KLF11: variants seen among roughly 807,000 people sequenced by gnomAD.
KLF11 encodes the protein KLF transcription factor 11, also known as Krueppel-like factor 11.
KLF11 carries 26 observed loss-of-function variants against 29.9 expected under a neutral mutation model. The observed-to-expected ratio is 0.87, with a 90% CI of 0.64 to 1.21. KLF11 has a LOEUF of 1.21. Among genes scored for constraint, KLF11 ranks in the 50% most tolerant of loss-of-function variants. The pLI is 0.00. For synonymous variants in KLF11, 318 were observed against 257.4 expected (o/e 1.24, Z -2.25); for missense variants, 778 against 665.7 (o/e 1.17, Z -1.86).
intron 2 of KLF11, 137 bp downstream of exon 2, chr2:10,046,556 G>A: frequency 1.0e-6 from 1 of 983,414 alleles, no homozygotes; most frequent in Non-Finnish European, 1.6e-6. Flanking sequence ...GGGTCTGAAG[G>A]AGTAGAAACT....
In KLF11 at chr2:10,047,760, C is replaced by T. The variant is rs1661258213; in HGVS notation, c.423C>T (p.Ser141=). The T allele has an allele frequency of 2.5e-6, 4 of 1,613,632 alleles. No homozygotes were observed. The highest frequency in any genetic ancestry group is 2.2e-5 in the East Asian group (1 of 44,900). Reference sequence around the variant, plus strand: ...GTACAGCCACGGATGTTCTCCAGTCCTCTGCCGTAGTGGCCAGAGCTCTGA... The same window carrying T: ...GTACAGCCACGGATGTTCTCCAGTCTTCTGCCGTAGTGGCCAGAGCTCTGA... ...KACTATDVLQ[S]SAVVARALSG... is the part of the protein sequence containing the mutation. Residue 141 remains serine, a synonymous_variant, in exon 3 of 4, where the codon TCC becomes TCT. Transcript: ENST00000305883.
intron 2 of KLF11, among the ~76,000 whole-genome samples, chr2:10,047,154 A>G (rs1414174887): frequency 1.3e-5 from 2 of 152,036 alleles, no homozygotes; most frequent in African/African-American, 4.8e-5. Flanking sequence ...CCTTAATGTG[A>G]GTTCTGTGAG....
In KLF11 at chr2:10,045,129, G is replaced by A. The variant is rs1023890729; in HGVS notation, c.43-1021G>A. 3.3e-5 allele frequency among the ~76,000 whole-genome samples: 5 copies of A among 151,472 alleles called. No individual in the cohort carries two copies. In the East Asian group the frequency reaches 9.7e-4, roughly 29 times the overall value. On this transcript the variant is annotated intron_variant, in intron 1 of 3. Coordinates refer to ENST00000305883, the MANE Select transcript of KLF11 (RefSeq NM_003597.5). ...CCACTGCACTCCAGCCTGGGCAACA[G>A]AGCAAGACTCTGTCTCAAAAAAACA...
intron 1 of KLF11, chr2:10,044,327 G>A (rs895116265): frequency 6.1e-6 from 6 of 984,908 alleles, no homozygotes; most frequent in Non-Finnish European, 7.2e-6. Context: ...CGCGGCACGC[G>A]AGCGTTGGGG....
chr2:10,043,744 G>A lies in KLF11; in HGVS notation c.28G>A (p.Asp10Asn). The A allele has an allele frequency of 7.2e-7, 1 of 1,379,698 alleles. No individual in the cohort carries two copies. The highest frequency in any genetic ancestry group is 9.5e-7 in the Non-Finnish European group (1 of 1,051,178). 85.5% of individuals were successfully genotyped at this position (1,379,698 alleles called of 1,614,324 possible). A position where few individuals can be genotyped will look rare whatever the true frequency, so the allele number is the denominator to read the frequency against. Residue 10 changes from aspartate (D) to asparagine (N), a missense_variant, in exon 1 of 4, where the codon GAC (aspartate) becomes AAC (asparagine). By Grantham distance (23) the Asp-to-Asn change is conservative. Coordinates refer to ENST00000305883, the MANE Select transcript of KLF11 (RefSeq NM_003597.5). Reference protein sequence around the residue: MHTPDFAGPDDARAVDIMDI... With the variant: MHTPDFAGPNDARAVDIMDI... ...GCACACGCCGGACTTCGCAGGCCCA[G>A]ACGACGCGCGCGCAGTGAGTGGTGG...
chr2:10,050,407 CAAAAAA>C (rs34801840), intron 3 of KLF11, among the ~76,000 whole-genome samples: 3 of 115,900 alleles, frequency 2.6e-5, no homozygotes, highest in African/African-American at 9.9e-5. Flanking sequence ...ACTCTTATCT[CAAAAAA>C]AAAAAAAAAA....
chr2:10,047,969 T>C lies in KLF11; in HGVS notation c.632T>C (p.Phe211Ser), dbSNP rs910618934. The C allele has an allele frequency of 2.1e-5, 34 of 1,613,892 alleles. No homozygotes were observed. Among genetic ancestry groups the C allele is most frequent in the Non-Finnish European group, 2.9e-5 (34 of 1,180,030 alleles). Residue 211 changes from phenylalanine to serine, a missense_variant, in exon 3 of 4, where the codon TTT (phenylalanine) becomes TCT (serine). By Grantham distance (155) the Phe-to-Ser change is radical. Coordinates refer to ENST00000305883, the MANE Select transcript of KLF11 (RefSeq NM_003597.5). ...GGAGAAGAGCAGCTTCTGGGACACT[T>C]TGAAACTTTGCAGGACACACACCTC... Reference protein sequence around the residue: ...REGEEQLLGHFETLQDTHLTD... With the variant: ...REGEEQLLGHSETLQDTHLTD...
chr2:10,046,540 C>T, intron 2 of KLF11, 121 bp downstream of exon 2: 3 of 1,077,992 alleles, frequency 2.8e-6, no homozygotes, highest in Non-Finnish European at 4.2e-6. Flanking sequence ...CGTATCCTCT[C>T]TGTGTGGGTC....
rs34206941 is a variant in KLF11, at chr2:10,052,724, G to GTTTT, written c.*224_*227dup. 3.2e-4 allele frequency: 140 copies of GTTTT among 433,066 alleles called. No individual in the cohort carries two copies. The highest frequency in any genetic ancestry group is 4.9e-4 in the East Asian group (13 of 26,732). 26.8% of individuals were successfully genotyped at this position (433,066 alleles called of 1,614,324 possible). On this transcript the variant is annotated 3_prime_UTR_variant, in exon 4 of 4. Transcript: ENST00000305883. ...TAGTTTCAGAAGTTTTTTTGTTTTG[G>GTTTT]TTTTTTTTTTAAAGAAATGGTAGAA...
At position 10,046,181 on chromosome 2, in the gene KLF11, T is replaced by G; in HGVS notation, c.74T>G (p.Leu25Arg). The G allele has an allele frequency of 6.2e-7, 1 of 1,614,144 alleles. No homozygotes were observed. The highest frequency in any genetic ancestry group is 1.1e-5 in the South Asian group (1 of 91,080). The change falls in exon 2 of 4, where the codon CTG becomes CGG. Residue 25 changes from leucine (L) to arginine (R), a missense_variant. Leu to Arg is a moderately radical substitution (Grantham distance 102). Transcript: ENST00000305883. ...ATCATGGACATATGTGAGTCCATCC[T>G]GGAGAGGAAGCGGCATGACAGCGAA... is the stretch of plus-strand genomic sequence containing the variant. ...VDIMDICESILERKRHDSERS... is the reference protein window; with the variant it reads ...VDIMDICESIRERKRHDSERS...
At position 10,043,567 on chromosome 2, in the gene KLF11, G is replaced by A. The variant is rs1477510491; in HGVS notation, c.-150G>A. The A allele has an allele frequency of 7.0e-5, 26 of 369,816 alleles. No homozygotes were observed. The highest frequency in any genetic ancestry group is 9.2e-5 in the Non-Finnish European group (25 of 270,728). The allele number at this position is 369,816 out of a possible 1,614,324, so 22.9% of individuals were successfully genotyped here. A position where few individuals can be genotyped will look rare whatever the true frequency, so the allele number is the denominator to read the frequency against. On this transcript the variant is annotated 5_prime_UTR_variant, in exon 1 of 4. Coordinates refer to ENST00000305883, the MANE Select transcript of KLF11 (RefSeq NM_003597.5). ...CCTCCCGCGCCGCGAGGGCCGCGCC[G>A]GGGCAGAGCCGCGCGGGCGGGCGAG...
rs1661060590 is a variant in KLF11, at chr2:10,043,617, G to A, written c.-100G>A. ...GGCGCGTGCCGGCCGCAGGAGCTCCGGGTTGCCGCCGCCGCCGCCGCCCGC... is the reference window on the plus strand; with the variant it reads ...GGCGCGTGCCGGCCGCAGGAGCTCCAGGTTGCCGCCGCCGCCGCCGCCCGC... On this transcript the variant is annotated 5_prime_UTR_variant, in exon 1 of 4. Transcript: ENST00000305883. The A allele has an allele frequency of 1.2e-6, 1 of 834,394 alleles. No individual in the cohort carries two copies. Among genetic ancestry groups the A allele is most frequent in the Non-Finnish European group, 1.4e-6 (1 of 695,558 alleles). The allele number at this position is 834,394 out of a possible 1,614,324, so 51.7% of individuals were successfully genotyped here.
Position 10,047,762 on chromosome 2 carries a change from C to T in KLF11, c.425C>T (p.Ser142Phe), listed in dbSNP as rs1368461336. The stretch of plus-strand genomic sequence containing the variant: ...ACAGCCACGGATGTTCTCCAGTCCT[C>T]TGCCGTAGTGGCCAGAGCTCTGAGC... ...ACTATDVLQS[S>F]AVVARALSGG... The change falls in exon 3 of 4, where the codon TCT (serine) becomes TTT (phenylalanine). Residue 142 changes from serine to phenylalanine, a missense_variant. Coordinates refer to ENST00000305883, the MANE Select transcript of KLF11 (RefSeq NM_003597.5). The T allele has an allele frequency of 6.2e-7, 1 of 1,613,694 alleles. No homozygotes were observed. Among genetic ancestry groups the T allele is most frequent in the Non-Finnish European group, 8.5e-7 (1 of 1,180,008 alleles).
Position 10,053,724 on chromosome 2 carries a change from AATAG to A in KLF11, c.*1220_*1223del, listed in dbSNP as rs1454593180. ...GGTGTGTTTTACAGTCTACCTAGAA[AATAG>A]ATGGACAATATTTTTCAACTGTATG... On this transcript the variant is annotated 3_prime_UTR_variant, in exon 4 of 4. Transcript: ENST00000305883. 1 of 269,092 alleles carries A rather than the reference AATAG, an allele frequency of 3.7e-6. No homozygotes were observed. The highest frequency in any genetic ancestry group is 2.2e-5 in the African/African-American group (1 of 45,848). The allele number at this position is 269,092 out of a possible 1,614,324, so 16.7% of individuals were successfully genotyped here. A position where few individuals can be genotyped will look rare whatever the true frequency, so the allele number is the denominator to read the frequency against.
At position 10,046,461 on chromosome 2, in the gene KLF11, T is replaced by TA. The variant is rs769515540; in HGVS notation, c.312+43dup. The TA allele has an allele frequency of 1.9e-6, 3 of 1,601,436 alleles. No homozygotes were observed. The Admixed American group carries it at 5.0e-5, about 27-fold the overall frequency. On this transcript the variant is annotated intron_variant, in intron 2 of 3. Coordinates refer to ENST00000305883, the MANE Select transcript of KLF11 (RefSeq NM_003597.5). ...GGGAGGAGCGTTTTTGTGAAATGAC[T>TA]AGAGTAGCTGAACTCAGTGTGTTGA... is the stretch of plus-strand genomic sequence containing the variant.
Position 10,052,319 on chromosome 2 carries a change from G to A in KLF11, c.1351G>A (p.Glu451Lys), listed in dbSNP as rs1558351564. 1 of 1,614,194 alleles carries A rather than the reference G, an allele frequency of 6.2e-7. No homozygotes were observed. The highest frequency in any genetic ancestry group is 8.5e-7 in the Non-Finnish European group (1 of 1,180,040). ...LSRHRRTHTG[E>K]KKFVCPVCDR... is the part of the protein sequence containing the mutation. The stretch of plus-strand genomic sequence containing the variant: ...ACGCCACCGCAGAACTCACACAGGG[G>A]AGAAGAAGTTTGTGTGCCCGGTGTG... The change falls in exon 4 of 4, where the codon GAG becomes AAG. Residue 451 changes from glutamate (E) to lysine (K), a missense_variant. Coordinates refer to ENST00000305883, the MANE Select transcript of KLF11 (RefSeq NM_003597.5).
intron 3 of KLF11, 120 bp from the exon 4 acceptor site, chr2:10,052,106 TA>T: frequency 9.6e-7 from 1 of 1,038,008 alleles, no homozygotes; most frequent in Middle Eastern, 2.3e-4. Flanking sequence ...AATTCCAGAG[TA>T]ATAAGATACC....
Position 10,046,429 on chromosome 2 carries a change from G to C in KLF11, c.312+10G>C. The C allele has an allele frequency of 6.2e-7, 1 of 1,613,400 alleles. No homozygotes were observed. The highest frequency in any genetic ancestry group is 8.5e-7 in the Non-Finnish European group (1 of 1,180,036). On this transcript the variant is annotated intron_variant, in intron 2 of 3. Transcript: ENST00000305883. Reference sequence around the variant, plus strand: ...TTCTTTATCGACTCTGGTAAGAGGAGGTGGGAGGGAGGAGCGTTTTTGTGA... The same window carrying C: ...TTCTTTATCGACTCTGGTAAGAGGACGTGGGAGGGAGGAGCGTTTTTGTGA...
At chr2:10,043,797 A>G in intron 1 of KLF11, 39 bp downstream of exon 1, 1 of 1,343,800 alleles carries the variant, frequency 7.4e-7, no homozygotes, top group South Asian at 1.3e-5. Context: ...TACTCGTCTG[A>G]GCGAGGGGCG....
Sources: allele counts gnomAD v4.1 joint callset (sites outside exome capture counted in the v4.1 genomes callset), GRCh38; gene constraint gnomAD v4.1.1; transcripts MANE v1.5; gene names NCBI Gene and HGNC (gene_info 2026-07-23, HGNC 2026-07-21).